NETO1: variants seen among roughly 807,000 people sequenced by gnomAD.
NETO1 encodes neuropilin and tolloid like 1.
NETO1 carries 26 observed loss-of-function variants against 61.3 expected under a neutral mutation model. The ratio of observed to expected loss-of-function variants is 0.42; its 90% CI spans 0.31 to 0.59. The LOEUF (loss-of-function observed/expected upper bound fraction) is 0.59, where lower values mean the gene tolerates loss of function less well. Ranked by LOEUF, NETO1 falls within the 20% of genes least tolerant of loss-of-function variation. NETO1 has a pLI of 0.12. For missense variants in NETO1, 531 were observed against 662.8 expected (o/e 0.80, Z 2.18); for synonymous variants, 225 against 225.8 (o/e 1.00, Z 0.03).
rs548577525 is a variant in NETO1, at chr18:72,814,397, A to G, written c.470-19993T>C. On this transcript the variant is annotated intron_variant, in intron 4 of 10. Transcript: ENST00000327305. ...ATAGGACAGGGGAAAAAGTAATTTA[A>G]TTCCAAAAATAAATAAAGGCAGACA... Among the ~76,000 whole-genome samples, 19 of 152,292 alleles carry G rather than the reference A, an allele frequency of 1.2e-4. No individual in the cohort carries two copies. In the South Asian group the frequency reaches 3.9e-3, roughly 32 times the overall value.
chr18:72,816,366 T>C (rs895372123), intron 4 of NETO1, among the ~76,000 whole-genome samples: 1 of 152,220 alleles, frequency 6.6e-6, no homozygotes, highest in Non-Finnish European at 1.5e-5. Context: ...TTATGTTGTT[T>C]GGTAAAACCA....
chr18:72,764,618 A>G (rs2071090610), intron 7 of NETO1, among the ~76,000 whole-genome samples: 2 of 152,074 alleles, frequency 1.3e-5, no homozygotes. Flanking sequence ...AGCTCTGACT[A>G]CTGTGTGAGA....
Position 72,746,595 on chromosome 18 carries a change from A to G in NETO1, c.*1584T>C, listed in dbSNP as rs1486891537. Among the ~76,000 whole-genome samples the G allele has an allele frequency of 6.6e-6, 1 of 151,904 alleles. No individual in the cohort carries two copies. Among genetic ancestry groups the G allele is most frequent in the Non-Finnish European group, 1.5e-5 (1 of 67,938 alleles). ...TTATTTTCTATTTGCTTATTTTTTA[A>G]CATATATGACATTGTATTCCTAGTA... On this transcript the variant is annotated 3_prime_UTR_variant, in exon 11 of 11. Transcript: ENST00000327305.
chr18:72,775,062 A>G (rs2071501792), intron 7 of NETO1, among the ~76,000 whole-genome samples: 1 of 152,226 alleles, frequency 6.6e-6, no homozygotes, highest in Admixed American at 6.5e-5. Context: ...TTGTGATGCC[A>G]TAAATCAGGG....
At chr18:72,768,549 T>A (rs1324999429) in intron 7 of NETO1, among the ~76,000 whole-genome samples, 1 of 152,216 alleles carries the variant, frequency 6.6e-6, no homozygotes, top group African/African-American at 2.4e-5. Context: ...TTACTTTATA[T>A]GGAAAAAGGG....
At position 72,814,647 on chromosome 18, in the gene NETO1, C is replaced by T. The variant is rs183031898; in HGVS notation, c.470-20243G>A. Among the ~76,000 whole-genome samples the T allele has an allele frequency of 3.3e-5, 5 of 151,778 alleles. No homozygotes were observed. The South Asian group carries it at 6.2e-4, about 19-fold the overall frequency. On this transcript the variant is annotated intron_variant, in intron 4 of 10. Coordinates refer to ENST00000327305, the MANE Select transcript of NETO1 (RefSeq NM_138966.5). ...AAGAAACATCTCTAATTTAGGGAAACGTAACTGTTTAAAATGTTAGGAAAA... is the reference window on the plus strand; with the variant it reads ...AAGAAACATCTCTAATTTAGGGAAATGTAACTGTTTAAAATGTTAGGAAAA...
rs550726119 is a variant in NETO1, at chr18:72,855,161, A to C, written c.469+3665T>G. Among the ~76,000 whole-genome samples, 8 of 152,254 alleles carry C rather than the reference A, an allele frequency of 5.3e-5. No individual in the cohort carries two copies. In the South Asian group the frequency reaches 1.7e-3, roughly 32 times the overall value. On this transcript the variant is annotated intron_variant, in intron 4 of 10. Coordinates refer to ENST00000327305, the MANE Select transcript of NETO1 (RefSeq NM_138966.5). ...TAACATTCTTGGTGATTCTGCACTT[A>C]TTTCTTTTTCTGAACTGGGATAGCA...
intron 8 of NETO1, among the ~76,000 whole-genome samples, chr18:72,754,938 G>T (rs1212308843): frequency 5.3e-5 from 8 of 152,104 alleles, no homozygotes; most frequent in Non-Finnish European, 1.2e-4. Context: ...TACACTACAT[G>T]CTCGCCATAG....
At chr18:72,788,448 A>G (rs535073482) in intron 6 of NETO1, among the ~76,000 whole-genome samples, 1 of 152,272 alleles carries the variant, frequency 6.6e-6, no homozygotes, top group African/African-American at 2.4e-5. Context: ...ATCTCTCTAT[A>G]TATTATGATT....
chr18:72,851,796 A>G (rs2074258812), intron 4 of NETO1, among the ~76,000 whole-genome samples: 1 of 152,208 alleles, frequency 6.6e-6, no homozygotes, highest in Non-Finnish European at 1.5e-5. Flanking sequence ...AAATTTCTTA[A>G]TATAACCGTA....
At chr18:72,781,391 G>A (rs1317598804) in intron 7 of NETO1, among the ~76,000 whole-genome samples, 3 of 152,304 alleles carry the variant, frequency 2.0e-5, no homozygotes, top group Middle Eastern at 3.4e-3. Flanking sequence ...GTGTTGTCTT[G>A]TAGCCTGAGT....
chr18:72,829,761 G>C (rs996376500), intron 4 of NETO1, among the ~76,000 whole-genome samples: 8 of 152,140 alleles, frequency 5.3e-5, no homozygotes, highest in African/African-American at 1.9e-4. Flanking sequence ...TAAATGGAGG[G>C]AGTACAGTGT....
intron 9 of NETO1, 125 bp from the exon 10 acceptor site, chr18:72,749,213 C>A: frequency 1.6e-6 from 1 of 622,850 alleles, no homozygotes; most frequent in Non-Finnish European, 2.9e-6. Context: ...TGTCAGCATG[C>A]AAAACATATC....
intron 7 of NETO1, among the ~76,000 whole-genome samples, chr18:72,766,507 T>C (rs957308916): frequency 6.6e-6 from 1 of 152,114 alleles, no homozygotes; most frequent in African/African-American, 2.4e-5. Flanking sequence ...CTTTTTTTCA[T>C]GTCCTTTATC....
intron 6 of NETO1, among the ~76,000 whole-genome samples, chr18:72,789,610 T>C (rs967410875): frequency 6.6e-6 from 1 of 152,150 alleles, no homozygotes; most frequent in African/African-American, 2.4e-5. Context: ...ACCCATGTAC[T>C]ATCTACTATT....
intron 4 of NETO1, among the ~76,000 whole-genome samples, chr18:72,804,642 A>G (rs1216504488): frequency 6.6e-6 from 1 of 152,172 alleles, no homozygotes; most frequent in Non-Finnish European, 1.5e-5. Flanking sequence ...AGGTTTTTAC[A>G]ACTCATGTAT....
chr18:72,799,854 C>T (rs2072448957), intron 4 of NETO1, among the ~76,000 whole-genome samples: 1 of 152,258 alleles, frequency 6.6e-6, no homozygotes, highest in Non-Finnish European at 1.5e-5. Flanking sequence ...CAACACATTT[C>T]AGTAACACAG....
chr18:72,847,733 A>G (rs965646782), intron 4 of NETO1, among the ~76,000 whole-genome samples: 1 of 152,212 alleles, frequency 6.6e-6, no homozygotes, highest in East Asian at 1.9e-4. Flanking sequence ...CATTTGGTGC[A>G]TTTGGAACGA....
At chr18:72,846,336 CTA>C in intron 4 of NETO1, among the ~76,000 whole-genome samples, 1 of 151,350 alleles carries the variant, frequency 6.6e-6, no homozygotes, top group East Asian at 2.0e-4. Context: ...AATCCCGTCT[CTA>C]CTAAAAAAAT....
Sources: allele counts gnomAD v4.1 joint callset (sites outside exome capture counted in the v4.1 genomes callset), GRCh38; gene constraint gnomAD v4.1.1; transcripts MANE v1.5; gene names NCBI Gene and HGNC (gene_info 2026-07-23, HGNC 2026-07-21).